The following PATJ variants were observed in gnomAD, a reference collection of about 807,000 sequenced individuals.
PATJ encodes the protein inaD-like protein.
Under a neutral mutation model 224.9 loss-of-function variants are expected in PATJ, and 190 were observed. The observed-to-expected ratio is 0.84, with a 90% CI of 0.75 to 0.95. The LOEUF is 0.95. Among genes scored for constraint, PATJ ranks in the 40% least tolerant of loss-of-function variants. PATJ has a pLI of 0.00. For missense variants in PATJ, 2,121 were observed against 2,270.3 expected, an observed-to-expected ratio of 0.93 and a Z score of 1.34; for synonymous variants, 769 against 820.3, an observed-to-expected ratio of 0.94 and a Z score of 1.07.
chr1:62,140,437 G>C (rs1446556819), intron 41 of PATJ, among the ~76,000 whole-genome samples: 1 of 152,150 alleles, frequency 6.6e-6, no homozygotes, highest in Non-Finnish European at 1.5e-5. Context: ...CGGATTACTT[G>C]AGGTCAGGAG....
At chr1:61,900,011 G>A (rs553216312) in intron 23 of PATJ, among the ~76,000 whole-genome samples, 296 of 152,294 alleles carry the variant, frequency 1.9e-3, no homozygotes, top group African/African-American at 6.8e-3. Context: ...GAAGTTTCTA[G>A]TATATATCAG....
chr1:61,810,858 A>C (rs1001952346), intron 14 of PATJ, among the ~76,000 whole-genome samples: 4 of 151,974 alleles, frequency 2.6e-5, no homozygotes, highest in Non-Finnish European at 5.9e-5. Flanking sequence ...CGGGAGGCGG[A>C]TGTTGCAATG....
intron 7 of PATJ, among the ~76,000 whole-genome samples, chr1:61,780,539 T>A (rs192812115): frequency 1.6e-4 from 25 of 152,296 alleles, no homozygotes; most frequent in East Asian, 1.3e-3. Flanking sequence ...TTAAAAAAAA[T>A]TTTTATAACC....
intron 11 of PATJ, among the ~76,000 whole-genome samples, chr1:61,800,290 A>G (rs1172446834): frequency 6.6e-6 from 1 of 152,244 alleles, no homozygotes; most frequent in Admixed American, 6.5e-5. Context: ...AATAATGGCC[A>G]TTCTGACTGA....
At chr1:62,147,627 C>T (rs1050409551) in intron 41 of PATJ, among the ~76,000 whole-genome samples, 1 of 152,000 alleles carries the variant, frequency 6.6e-6, no homozygotes, top group Non-Finnish European at 1.5e-5. Flanking sequence ...GGTGAAACCC[C>T]GCCTCTACTG....
intron 21 of PATJ, among the ~76,000 whole-genome samples, chr1:61,881,258 G>A (rs916009080): frequency 2.0e-5 from 3 of 152,156 alleles, no homozygotes; most frequent in Non-Finnish European, 4.4e-5. Context: ...GAATACATAA[G>A]GCAGGTAGCG....
chr1:61,964,650 G>A (rs777311630), intron 27 of PATJ, among the ~76,000 whole-genome samples: 6 of 151,684 alleles, frequency 4.0e-5, no homozygotes, highest in Non-Finnish European at 8.8e-5. Context: ...TTAACTGGGC[G>A]TGGTGTGGCA....
At chr1:61,774,037 G>A (rs928857370) in intron 6 of PATJ, among the ~76,000 whole-genome samples, 4 of 147,370 alleles carry the variant, frequency 2.7e-5, no homozygotes, top group East Asian at 4.1e-4. Flanking sequence ...GGAGAATGGC[G>A]TGAACCTGGG....
chr1:62,016,734 G>GCGTT (rs1255452251), intron 28 of PATJ, among the ~76,000 whole-genome samples: 1 of 152,146 alleles, frequency 6.6e-6, no homozygotes, highest in Non-Finnish European at 1.5e-5. Flanking sequence ...CTCATTGATG[G>GCGTT]CGTTCAGTAA....
At chr1:61,753,292 G>A (rs994961805) in intron 1 of PATJ, among the ~76,000 whole-genome samples, 1 of 152,128 alleles carries the variant, frequency 6.6e-6, no homozygotes, top group Admixed American at 6.5e-5. Flanking sequence ...GGGTAGTTAT[G>A]TGTGGTCTAA....
At chr1:61,772,731 T>A (rs1028219449) in intron 6 of PATJ, among the ~76,000 whole-genome samples, 2 of 152,208 alleles carry the variant, frequency 1.3e-5, no homozygotes, top group Admixed American at 6.5e-5. Context: ...ACAAGGGCTT[T>A]GGAGTCAGGT....
chr1:62,043,868 T>C (rs943857030), intron 30 of PATJ, among the ~76,000 whole-genome samples: 9 of 152,042 alleles, frequency 5.9e-5, no homozygotes, highest in Non-Finnish European at 1.3e-4. Flanking sequence ...GCTAGGACTA[T>C]AGGCACGCAC....
chr1:61,937,902 G>C (rs1002588056), intron 27 of PATJ, among the ~76,000 whole-genome samples: 1 of 152,012 alleles, frequency 6.6e-6, no homozygotes, highest in Admixed American at 6.6e-5. Flanking sequence ...CACCTGCCTC[G>C]GCCTCCCAGA....
chr1:61,814,547 T>TGTGTGCGC (rs370488022), intron 14 of PATJ, among the ~76,000 whole-genome samples: 313 of 142,562 alleles, frequency 2.2e-3, no homozygotes, highest in Admixed American at 4.4e-3. Flanking sequence ...TGTGTGTGTG[T>TGTGTGCGC]GCGCGCGCGC....
intron 29 of PATJ, among the ~76,000 whole-genome samples, chr1:62,026,961 GA>G (rs1250573390): frequency 2.0e-5 from 3 of 152,104 alleles, no homozygotes; most frequent in Non-Finnish European, 4.4e-5. Flanking sequence ...GGGAGCAACC[GA>G]GTATAACATA....
chr1:62,043,837 C>T lies in PATJ; in HGVS notation c.4032+5788C>T, dbSNP rs540929339. On this transcript the variant is annotated intron_variant, in intron 30 of 43. Transcript: ENST00000642238. The stretch of plus-strand genomic sequence containing the variant: ...CGACCTCCCAGGCTCAAATAATATT[C>T]CTGCCTCAGCCTCCTGAGCAGCTAG... Among the ~76,000 whole-genome samples the T allele has an allele frequency of 2.6e-5, 4 of 152,166 alleles. No individual in the cohort carries two copies. The South Asian group carries it at 8.3e-4, about 32-fold the overall frequency.
chr1:62,085,782 A>G (rs1459573450), intron 33 of PATJ, among the ~76,000 whole-genome samples: 2 of 150,490 alleles, frequency 1.3e-5, no homozygotes, highest in Non-Finnish European at 3.0e-5. Flanking sequence ...TCATGCCACT[A>G]TACTCCAGCC....
At chr1:61,806,774 T>C (rs577209616) in intron 13 of PATJ, among the ~76,000 whole-genome samples, 1 of 150,508 alleles carries the variant, frequency 6.6e-6, no homozygotes, top group African/African-American at 2.5e-5. Flanking sequence ...TTCCTACTTA[T>C]CTTAGTGGTT....
intron 1 of PATJ, among the ~76,000 whole-genome samples, chr1:61,760,619 CTTTT>C (rs200693394): frequency 7.4e-6 from 1 of 135,476 alleles, no homozygotes. Flanking sequence ...TTTTCTTTTT[CTTTT>C]TTTTTTTTTT....
Sources: gnomAD v4.1 joint callset for allele counts (sites outside exome capture counted in the v4.1 genomes callset) on GRCh38, gnomAD v4.1.1 for gene constraint, MANE v1.5 for transcripts, NCBI Gene and HGNC (gene_info 2026-07-23, HGNC 2026-07-21) for gene names.